Variants in KCNQ1 observed in about 807,000 individuals in gnomAD.
KCNQ1 encodes the protein potassium voltage-gated channel subfamily KQT member 1.
KCNQ1 carries 49 observed loss-of-function variants against 72.4 expected under a neutral mutation model. That is an observed-to-expected ratio of 0.68 (90% CI 0.54 to 0.86). The LOEUF (loss-of-function observed/expected upper bound fraction) is 0.86, where lower values mean the gene tolerates loss of function less well. Among genes scored for constraint, KCNQ1 ranks in the 40% least tolerant of loss-of-function variants. The pLI is 0.00. For missense variants in KCNQ1, 790 were observed against 945.1 expected, an observed-to-expected ratio of 0.84 and a Z score of 2.15; for synonymous variants, 450 against 412.6, an observed-to-expected ratio of 1.09 and a Z score of -1.10.
intron 11 of KCNQ1, chr11:2,694,326 C>T (rs867283187): frequency 2.3e-5 from 9 of 398,638 alleles, no homozygotes; most frequent in Middle Eastern, 1.3e-3. Flanking sequence ...TTGTCATCTG[C>T]GGTGCCCCCC....
At position 2,562,866 on chromosome 11, in the gene KCNQ1, G is replaced by T. The variant is rs752852881; in HGVS notation, c.478-7762G>T. ...TCGTATTTAATCTTCATCTTCCGCC[G>T]TCTTTAAAATTAATTTTCCTTTAAA... On this transcript the variant is annotated intron_variant, in intron 2 of 15. Transcript: ENST00000155840. This position sits in a 1 kb window ranked among gnomAD's most constrained non-coding sequence, Gnocchi z 7.5. Among the ~76,000 whole-genome samples, 1 of 152,082 alleles carries T rather than the reference G, an allele frequency of 6.6e-6. No homozygotes were observed. Among genetic ancestry groups the T allele is most frequent in the Non-Finnish European group, 1.5e-5 (1 of 68,026 alleles).
rs1242553746 is a variant in KCNQ1 at position 2,826,387 on chromosome 11, A to C, written c.1795-21380A>C. ...GCAGTAACCAGGCCAGCTGGGGGTC[A>C]GAACCCGCGGCCAGGCCCAGCAGCC... is the stretch of plus-strand genomic sequence containing the variant. On this transcript the variant is annotated intron_variant, in intron 15 of 15. Coordinates refer to ENST00000155840, the MANE Select transcript of KCNQ1 (RefSeq NM_000218.3). This position sits in a 1 kb window ranked among gnomAD's most constrained non-coding sequence, Gnocchi z 4.2. Among the ~76,000 whole-genome samples, 1 of 152,258 alleles carries C rather than the reference A, an allele frequency of 6.6e-6. No homozygotes were observed. Among genetic ancestry groups the C allele is most frequent in the African/African-American group, 2.4e-5 (1 of 41,480 alleles).
intron 15 of KCNQ1, among the ~76,000 whole-genome samples, chr11:2,805,992 G>C (rs1456540364): frequency 6.6e-6 from 1 of 152,170 alleles, no homozygotes; most frequent in Non-Finnish European, 1.5e-5. Context: ...AGCATTTGCG[G>C]GATGTTGGTT....
At chr11:2,455,371 T>A (rs1589889336) in intron 1 of KCNQ1, among the ~76,000 whole-genome samples, 1 of 152,218 alleles carries the variant, frequency 6.6e-6, no homozygotes, top group Admixed American at 6.5e-5. Context: ...GTGCTGGGAT[T>A]CAGGCTTGAG....
Position 2,671,711 on chromosome 11 carries a change from G to A in KCNQ1, c.1514+9630G>A, listed in dbSNP as rs573041667. Reference sequence around the variant, plus strand: ...GGCAATAGAGGGTACTTGGGAAGTAGGGTGGTAGGCAAGGCTTTTCAGAGA... The same window carrying A: ...GGCAATAGAGGGTACTTGGGAAGTAAGGTGGTAGGCAAGGCTTTTCAGAGA... On this transcript the variant is annotated intron_variant, in intron 11 of 15. Coordinates refer to ENST00000155840, the MANE Select transcript of KCNQ1 (RefSeq NM_000218.3). This position sits in a 1 kb window ranked among gnomAD's most constrained non-coding sequence, Gnocchi z 4.7. 6 of 398,732 alleles carry A rather than the reference G, an allele frequency of 1.5e-5. No individual in the cohort carries two copies. Among genetic ancestry groups the A allele is most frequent in the Middle Eastern group, 1.3e-3 (2 of 1,588 alleles). 24.7% of individuals were successfully genotyped at this position (398,732 alleles called of 1,614,324 possible). A position where few individuals can be genotyped will look rare whatever the true frequency, so the allele number is the denominator to read the frequency against.
chr11:2,527,448 A>C (rs577674813), intron 1 of KCNQ1, among the ~76,000 whole-genome samples: 1 of 152,292 alleles, frequency 6.6e-6, no homozygotes, highest in Admixed American at 6.5e-5. Context: ...ACTGCAGTTC[A>C]TTTGTGGCTC....
At position 2,682,019 on chromosome 11, in the gene KCNQ1, A is replaced by C. The variant is rs1197939773; in HGVS notation, c.1514+19938A>C. 5 of 398,522 alleles carry C rather than the reference A, an allele frequency of 1.3e-5. No individual in the cohort carries two copies. Among genetic ancestry groups the C allele is most frequent in the Non-Finnish European group, 2.2e-5 (5 of 226,074 alleles). The allele number at this position is 398,522 out of a possible 1,614,324, so 24.7% of individuals were successfully genotyped here. On this transcript the variant is annotated intron_variant, in intron 11 of 15. Coordinates refer to ENST00000155840, the MANE Select transcript of KCNQ1 (RefSeq NM_000218.3). This position sits in a 1 kb window ranked among gnomAD's most constrained non-coding sequence, Gnocchi z 5.8. Reference sequence around the variant, plus strand: ...ACTAATCCTCACAGCAGCTTTTAACACAAGAATATTATCACTCCTGTTTTA... The same window carrying C: ...ACTAATCCTCACAGCAGCTTTTAACCCAAGAATATTATCACTCCTGTTTTA...
At chr11:2,838,713 GCCCTGGCTTC>G (rs1056232789) in intron 15 of KCNQ1, among the ~76,000 whole-genome samples, 1 of 152,194 alleles carries the variant, frequency 6.6e-6, no homozygotes, top group Non-Finnish European at 1.5e-5. Flanking sequence ...CGGCCAGGCA[GCCCTGGCTTC>G]CCCTGCCCAC....
In KCNQ1 at chr11:2,549,779, A is replaced by G. The variant is rs1282938803; in HGVS notation, c.478-20849A>G. 6.6e-6 allele frequency among the ~76,000 whole-genome samples: 1 copy of G among 152,060 alleles called. No homozygotes were observed. Among genetic ancestry groups the G allele is most frequent in the East Asian group, 1.9e-4 (1 of 5,180 alleles). ...GAGCAGCAGCACGTGGCCCCCAGTCATGAGTACCCCAGGCCCCTATGCGCC... is the reference window on the plus strand; with the variant it reads ...GAGCAGCAGCACGTGGCCCCCAGTCGTGAGTACCCCAGGCCCCTATGCGCC... On this transcript the variant is annotated intron_variant, in intron 2 of 15. Coordinates refer to ENST00000155840, the MANE Select transcript of KCNQ1 (RefSeq NM_000218.3). The surrounding 1 kb of genome is among the most constrained non-coding windows in gnomAD (Gnocchi z 6.2).
At chr11:2,819,107 GTTCATTCA>G (rs373616466) in intron 15 of KCNQ1, among the ~76,000 whole-genome samples, 29 of 152,298 alleles carry the variant, frequency 1.9e-4, no homozygotes, top group African/African-American at 6.5e-4. Context: ...TTGTTCATTG[GTTCATTCA>G]TTCATTCATT....
At position 2,682,747 on chromosome 11, in the gene KCNQ1, A is replaced by G; in HGVS notation, c.1514+20666A>G. 1 of 398,678 alleles carries G rather than the reference A, an allele frequency of 2.5e-6. No individual in the cohort carries two copies. The highest frequency in any genetic ancestry group is 4.4e-6 in the Non-Finnish European group (1 of 226,092). The allele number at this position is 398,678 out of a possible 1,614,324, so 24.7% of individuals were successfully genotyped here. On this transcript the variant is annotated intron_variant, in intron 11 of 15. Coordinates refer to ENST00000155840, the MANE Select transcript of KCNQ1 (RefSeq NM_000218.3). This position sits in a 1 kb window ranked among gnomAD's most constrained non-coding sequence, Gnocchi z 5.8. ...GAATCTCTTCCCCTTGAGCCCACTC[A>G]TCTCTGTTGACATTCTAGAAATGCA...
chr11:2,823,893 C>G (rs1432721481), intron 15 of KCNQ1, among the ~76,000 whole-genome samples: 1 of 152,128 alleles, frequency 6.6e-6, no homozygotes, highest in Non-Finnish European at 1.5e-5. Flanking sequence ...GAGCTTAAGC[C>G]TCACCTTCAT....
intron 11 of KCNQ1, chr11:2,665,236 AAG>A: frequency 2.5e-6 from 1 of 398,520 alleles, no homozygotes; most frequent in Non-Finnish European, 4.4e-6. Context: ...AATGGGGCAC[AAG>A]AGAGTCCCTG....
chr11:2,756,705 G>A (rs12804860), intron 11 of KCNQ1, among the ~76,000 whole-genome samples: 23,021 of 151,780 alleles, frequency 0.15, 1,887 homozygotes, highest in Middle Eastern at 0.2. Flanking sequence ...GCCCACCTTG[G>A]CCTCCCAAAG....
chr11:2,500,624 C>G (rs1488245507), intron 1 of KCNQ1, among the ~76,000 whole-genome samples: 1 of 152,104 alleles, frequency 6.6e-6, no homozygotes, highest in Non-Finnish European at 1.5e-5. Flanking sequence ...GGAACCAACC[C>G]AAATGCCCAT....
Position 2,550,194 on chromosome 11 carries a change from G to A in KCNQ1, c.478-20434G>A, listed in dbSNP as rs1001962761. On this transcript the variant is annotated intron_variant, in intron 2 of 15. Coordinates refer to ENST00000155840, the MANE Select transcript of KCNQ1 (RefSeq NM_000218.3). This position sits in a 1 kb window ranked among gnomAD's most constrained non-coding sequence, Gnocchi z 6.0. The stretch of plus-strand genomic sequence containing the variant: ...CGCAGGCAGTGCACGTCCCTCCCCC[G>A]CCTCTCTTTGCCGTTGCCGGGACTG... 1.3e-5 allele frequency among the ~76,000 whole-genome samples: 2 copies of A among 152,230 alleles called. No homozygotes were observed. Among genetic ancestry groups the A allele is most frequent in the African/African-American group, 4.8e-5 (2 of 41,460 alleles).
In KCNQ1 at chr11:2,563,281, C is replaced by G. The variant is rs150651598; in HGVS notation, c.478-7347C>G. ...GACCTTCAGCCTTCTCGGAGAACAC[C>G]GGTTCCACGGCCGGTTGCAACACGT... On this transcript the variant is annotated intron_variant, in intron 2 of 15. Coordinates refer to ENST00000155840, the MANE Select transcript of KCNQ1 (RefSeq NM_000218.3). The surrounding 1 kb of genome is among the most constrained non-coding windows in gnomAD (Gnocchi z 7.4). Among the ~76,000 whole-genome samples, 3 of 152,178 alleles carry G rather than the reference C, an allele frequency of 2.0e-5. No individual in the cohort carries two copies. Among genetic ancestry groups the G allele is most frequent in the Non-Finnish European group, 4.4e-5 (3 of 68,034 alleles).
Position 2,712,056 on chromosome 11 carries a change from C to T in KCNQ1, c.1514+49975C>T, listed in dbSNP as rs1291316366. 2.6e-5 allele frequency among the ~76,000 whole-genome samples: 4 copies of T among 152,256 alleles called. No homozygotes were observed. Among genetic ancestry groups the T allele is most frequent in the African/African-American group, 7.2e-5 (3 of 41,552 alleles). ...CTACCCATCTGTAAAAAGGAGAAAT[C>T]GTTTCTGTGCTCCCTGCCTCCCAGA... On this transcript the variant is annotated intron_variant, in intron 11 of 15. Coordinates refer to ENST00000155840, the MANE Select transcript of KCNQ1 (RefSeq NM_000218.3). The surrounding 1 kb of genome is among the most constrained non-coding windows in gnomAD (Gnocchi z 6.4).
In KCNQ1 at chr11:2,683,075, G is replaced by C. The variant is rs957992896; in HGVS notation, c.1514+20994G>C. On this transcript the variant is annotated intron_variant, in intron 11 of 15. Transcript: ENST00000155840. This position sits in a 1 kb window ranked among gnomAD's most constrained non-coding sequence, Gnocchi z 4.7. Reference sequence around the variant, plus strand: ...CAGGCAAGGCTCTTGCTAGCCTGAGGACCAGGAGCCTTCAGATTTTCTTGT... The same window carrying C: ...CAGGCAAGGCTCTTGCTAGCCTGAGCACCAGGAGCCTTCAGATTTTCTTGT... 1 of 398,566 alleles carries C rather than the reference G, an allele frequency of 2.5e-6. No homozygotes were observed. The highest frequency in any genetic ancestry group is 1.3e-4 in the South Asian group (1 of 7,838). The allele number at this position is 398,566 out of a possible 1,614,324, so 24.7% of individuals were successfully genotyped here. A position where few individuals can be genotyped will look rare whatever the true frequency, so the allele number is the denominator to read the frequency against.
Sources: allele counts gnomAD v4.1 joint callset (sites outside exome capture counted in the v4.1 genomes callset), GRCh38; gene constraint gnomAD v4.1.1; non-coding constraint Gnocchi (gnomAD v3.1); transcripts MANE v1.5; gene names NCBI Gene and HGNC (gene_info 2026-07-23, HGNC 2026-07-21).